TAOK3: variants seen among roughly 807,000 people sequenced by gnomAD.
TAOK3 encodes serine/threonine-protein kinase TAO3.
In TAOK3, 40 loss-of-function variants were observed where a neutral mutation model predicts 120.4. The ratio of observed to expected loss-of-function variants is 0.33; its 90% CI spans 0.26 to 0.43. The LOEUF is 0.43. TAOK3 is among the 20% of genes least tolerant of loss of function. TAOK3 has a pLI of 1.00. For missense variants in TAOK3, 821 were observed against 1,112.1 expected, an observed-to-expected ratio of 0.74 and a Z score of 3.72; for synonymous variants, 355 against 387.5, an observed-to-expected ratio of 0.92 and a Z score of 0.99.
chr12:118,155,194 C>G (rs968234763), intron 19 of TAOK3, among the ~76,000 whole-genome samples: 1 of 152,080 alleles, frequency 6.6e-6, no homozygotes, highest in South Asian at 2.1e-4. Context: ...TGAGGTTTCA[C>G]CAGGTTGGCC....
At chr12:118,359,771 C>G (rs955821397) in intron 1 of TAOK3, 5 of 152,090 alleles carry the variant, frequency 3.3e-5, no homozygotes, top group Admixed American at 2.6e-4. Context: ...GCAATTCACC[C>G]TTCCTTTTGT....
chr12:118,276,199 T>C (rs2041897616), intron 1 of TAOK3, among the ~76,000 whole-genome samples: 1 of 152,180 alleles, frequency 6.6e-6, no homozygotes, highest in African/African-American at 2.4e-5. Context: ...AAAGAAGCCA[T>C]TGCAAAAGTC....
At chr12:118,262,750 C>T (rs1340587338) in intron 2 of TAOK3, among the ~76,000 whole-genome samples, 1 of 149,134 alleles carries the variant, frequency 6.7e-6, no homozygotes, top group African/African-American at 2.5e-5. Context: ...TCGCTTGAAA[C>T]CGGGAGGCAG....
Position 118,358,803 on chromosome 12 carries a change from C to T in TAOK3, c.-194+13845G>A, listed in dbSNP as rs916237416. On this transcript the variant is annotated intron_variant, in intron 1 of 20. Transcript: ENST00000392533. ...TCTCAGCTGGACTTTGAGCTAAGGC[C>T]ATAAATATTTCACATGAAATTCAAC... is the stretch of plus-strand genomic sequence containing the variant. 44 of 152,090 alleles carry T rather than the reference C, an allele frequency of 2.9e-4. 1 individual carries two copies. The highest frequency in any genetic ancestry group is 2.1e-3 in the Admixed American group (32 of 15,262). 9.4% of individuals were successfully genotyped at this position (152,090 alleles called of 1,614,324 possible).
chr12:118,265,721 T>C (rs1372226507), intron 2 of TAOK3, among the ~76,000 whole-genome samples: 1 of 152,118 alleles, frequency 6.6e-6, no homozygotes, highest in Non-Finnish European at 1.5e-5. Flanking sequence ...CTTTTGGGAA[T>C]TCACACAAGG....
chr12:118,293,606 A>T (rs1246034899), intron 1 of TAOK3, among the ~76,000 whole-genome samples: 1 of 150,978 alleles, frequency 6.6e-6, no homozygotes, highest in Non-Finnish European at 1.5e-5. Context: ...CCCGGGAGGC[A>T]GAGGTTGCAG....
At chr12:118,218,070 C>T (rs764333641) in intron 9 of TAOK3, among the ~76,000 whole-genome samples, 1 of 150,886 alleles carries the variant, frequency 6.6e-6, no homozygotes, top group Non-Finnish European at 1.5e-5. Flanking sequence ...CCATATTAGC[C>T]AGGATGGTCT....
chr12:118,319,380 T>C (rs2140928812), intron 1 of TAOK3, among the ~76,000 whole-genome samples: 1 of 152,268 alleles, frequency 6.6e-6, no homozygotes, highest in Non-Finnish European at 1.5e-5. Flanking sequence ...AGAGAAAATA[T>C]TTGCAAATCA....
intron 1 of TAOK3, among the ~76,000 whole-genome samples, chr12:118,333,995 C>T (rs993997119): frequency 2.0e-5 from 3 of 151,502 alleles, no homozygotes; most frequent in Non-Finnish European, 4.4e-5. Context: ...ATTAGCCAGG[C>T]GTGGTGGTGC....
intron 1 of TAOK3, among the ~76,000 whole-genome samples, chr12:118,275,687 T>C (rs1340594544): frequency 1.3e-5 from 2 of 152,248 alleles, no homozygotes; most frequent in African/African-American, 4.8e-5. Flanking sequence ...CTAATATTCA[T>C]CTGGCACTGA....
chr12:118,296,309 T>C (rs1273422258), intron 1 of TAOK3, among the ~76,000 whole-genome samples: 4 of 152,196 alleles, frequency 2.6e-5, no homozygotes, highest in African/African-American at 4.8e-5. Context: ...TTTTTTTGTA[T>C]TTTTCGTAGA....
intron 9 of TAOK3, among the ~76,000 whole-genome samples, chr12:118,222,686 C>T (rs2139662622): frequency 6.6e-6 from 1 of 152,210 alleles, no homozygotes; most frequent in East Asian, 1.9e-4. Flanking sequence ...GAAAACCAAA[C>T]AGCATTATAT....
intron 5 of TAOK3, among the ~76,000 whole-genome samples, chr12:118,241,558 C>T (rs894159283): frequency 4.6e-5 from 7 of 152,060 alleles, no homozygotes; most frequent in Admixed American, 2.6e-4. Context: ...TATTTTTTCC[C>T]CTATTATTCT....
At chr12:118,227,325 T>C (rs2139742206) in intron 9 of TAOK3, among the ~76,000 whole-genome samples, 1 of 148,008 alleles carries the variant, frequency 6.8e-6, no homozygotes, top group Admixed American at 6.7e-5. Context: ...AAATATAAAA[T>C]ATCTGTGTTA....
At chr12:118,241,968 G>C (rs189664731) in intron 5 of TAOK3, among the ~76,000 whole-genome samples, 1 of 151,780 alleles carries the variant, frequency 6.6e-6, no homozygotes, top group Admixed American at 6.6e-5. Context: ...AAATTAGCCG[G>C]GTGTGGTACT....
chr12:118,244,869 A>T (rs1025650440), intron 4 of TAOK3, 25 bp downstream of exon 4: 3 of 1,537,348 alleles, frequency 2.0e-6, no homozygotes, highest in Non-Finnish European at 2.7e-6. Flanking sequence ...ATTTCAGTTT[A>T]GGTATACAAC....
intron 8 of TAOK3, among the ~76,000 whole-genome samples, chr12:118,234,025 C>T (rs893782271): frequency 1.1e-4 from 17 of 151,986 alleles, no homozygotes; most frequent in African/African-American, 4.1e-4. Flanking sequence ...GTTACTTAAC[C>T]TATCTGTACA....
intron 1 of TAOK3, among the ~76,000 whole-genome samples, chr12:118,272,796 C>A (rs1028071502): frequency 6.6e-6 from 1 of 151,376 alleles, no homozygotes; most frequent in East Asian, 1.9e-4. Flanking sequence ...CACAGTGAGA[C>A]CCCCGTCTCT....
intron 14 of TAOK3, among the ~76,000 whole-genome samples, chr12:118,182,623 A>ATATATATATATATATATATATT (rs371125415): frequency 6.5e-5 from 6 of 92,374 alleles, no homozygotes; most frequent in South Asian, 3.5e-4. Context: ...ATATATATAT[A>ATATATATATATATATATATATT]TTTTTTTTTT....
Sources: gnomAD v4.1 joint callset for allele counts (sites outside exome capture counted in the v4.1 genomes callset) on GRCh38, gnomAD v4.1.1 for gene constraint, MANE v1.5 for transcripts, NCBI Gene and HGNC (gene_info 2026-07-23, HGNC 2026-07-21) for gene names.